Variants in FREM2 observed in about 807,000 individuals in gnomAD.
FREM2 encodes the protein FRAS1 related extracellular matrix 2, also known as FRAS1-related extracellular matrix protein 2.
Under a neutral mutation model 219.9 loss-of-function variants are expected in FREM2, and 119 were observed. The ratio of observed to expected loss-of-function variants is 0.54; its 90% CI spans 0.47 to 0.63. FREM2 has a LOEUF of 0.63. FREM2 is among the 30% of genes least tolerant of loss of function. FREM2 has a pLI of 0.00. For synonymous variants in FREM2, 1,562 were observed against 1,522.8 expected (o/e 1.03, Z -0.60); for missense variants, 4,030 against 3,993.6 (o/e 1.01, Z -0.25).
intron 2 of FREM2, among the ~76,000 whole-genome samples, chr13:38,702,748 G>C (rs1870391270): frequency 6.6e-6 from 1 of 152,108 alleles, no homozygotes; most frequent in Non-Finnish European, 1.5e-5. Flanking sequence ...CCAGCTTGCT[G>C]CTTCCTTATT....
At chr13:38,843,876 AG>A (rs1877051614) in intron 6 of FREM2, among the ~76,000 whole-genome samples, 2 of 150,896 alleles carry the variant, frequency 1.3e-5, no homozygotes, top group South Asian at 4.2e-4. Context: ...ACAAGAAACT[AG>A]GTAGTTAGCA....
At chr13:38,713,579 C>G (rs902635751) in intron 2 of FREM2, among the ~76,000 whole-genome samples, 2 of 152,220 alleles carry the variant, frequency 1.3e-5, no homozygotes, top group Non-Finnish European at 2.9e-5. Context: ...ATGGCCTTAA[C>G]TGATCGCTCC....
At position 38,877,145 on chromosome 13, in the gene FREM2, G is replaced by A. The variant is rs932537059; in HGVS notation, c.8573G>A (p.Ser2858Asn). The A allele has an allele frequency of 6.2e-7, 1 of 1,614,098 alleles. No individual in the cohort carries two copies. Among genetic ancestry groups the A allele is most frequent in the Non-Finnish European group, 8.5e-7 (1 of 1,179,968 alleles). Residue 2858 changes from serine to asparagine, a missense_variant, in exon 21 of 24, where the codon AGC becomes AAC. Ser to Asn is a conservative substitution (Grantham distance 46). This residue lies in a region of FREM2 where 928 missense variants were observed against 1,042.9 expected (regional missense o/e 0.89). Coordinates refer to ENST00000280481, the MANE Select transcript of FREM2 (RefSeq NM_207361.6). ...AGTGATCCAGTGGCTGCTGAGTTTA[G>A]CTTGAACACCCAAATGTACCTGCTC... Reference protein sequence around the residue: ...QVSDPVAAEFSLNTQMYLLSK... With the variant: ...QVSDPVAAEFNLNTQMYLLSK...
chr13:38,850,294 A>G, intron 9 of FREM2, 59 bp downstream of exon 9: 1 of 1,345,272 alleles, frequency 7.4e-7, no homozygotes, highest in Non-Finnish European at 1.1e-6. Flanking sequence ...TTTACTCAGA[A>G]ATATATATCA....
Position 38,729,783 on chromosome 13 carries a change from G to T in FREM2, c.5263+31996G>T, listed in dbSNP as rs529434177. Among the ~76,000 whole-genome samples the T allele has an allele frequency of 2.6e-5, 4 of 152,272 alleles. No individual in the cohort carries two copies. In the East Asian group the frequency reaches 7.7e-4, roughly 29 times the overall value. ...TAGTAAATATGTCCTTTTCTAAGGT[G>T]CATAATTAGAGTATTTAAACTTGTA... On this transcript the variant is annotated intron_variant, in intron 2 of 23. Transcript: ENST00000280481.
intron 2 of FREM2, among the ~76,000 whole-genome samples, chr13:38,714,026 T>C: frequency 6.6e-6 from 1 of 152,192 alleles, no homozygotes. Context: ...GAAACCAGGA[T>C]CTGTGGTACT....
chr13:38,757,845 C>T (rs1307265869), intron 2 of FREM2, among the ~76,000 whole-genome samples: 1 of 152,204 alleles, frequency 6.6e-6, no homozygotes, highest in Admixed American at 6.5e-5. Context: ...TCCTAGGCCT[C>T]CCAAAGTGCT....
intron 2 of FREM2, among the ~76,000 whole-genome samples, 179 bp from the exon 3 acceptor site, chr13:38,764,125 G>A (rs909344394): frequency 6.6e-6 from 1 of 152,174 alleles, no homozygotes; most frequent in East Asian, 1.9e-4. Context: ...GCGATTGAAT[G>A]TATGTGTAAC....
intron 2 of FREM2, among the ~76,000 whole-genome samples, chr13:38,706,136 C>T (rs944359600): frequency 1.3e-5 from 2 of 152,142 alleles, no homozygotes; most frequent in Admixed American, 6.5e-5. Flanking sequence ...TTTATTTCTC[C>T]TTTTTAAGGG....
rs1877691695 is a variant in FREM2, at chr13:38,859,604, A to G, written c.7519+14A>G. 1 of 1,611,660 alleles carries G rather than the reference A, an allele frequency of 6.2e-7. No homozygotes were observed. Among genetic ancestry groups the G allele is most frequent in the East Asian group, 2.2e-5 (1 of 44,840 alleles). On this transcript the variant is annotated intron_variant, in intron 14 of 23. Coordinates refer to ENST00000280481, the MANE Select transcript of FREM2 (RefSeq NM_207361.6). ...GCAGAGAAGAAGGTCAGTCATTGCC[A>G]TTTTCCCCTGAAGATCACTGGAATA...
chr13:38,870,139 A>G lies in FREM2; in HGVS notation c.7984-2603A>G, dbSNP rs1326828345. Among the ~76,000 whole-genome samples the G allele has an allele frequency of 5.9e-5, 9 of 152,260 alleles. No individual in the cohort carries two copies. The East Asian group carries it at 1.7e-3, about 29-fold the overall frequency. ...TAATTATGCCTCTTTTTTACTATGTATTTGATTTAGATATATGAAACTTTG... is the reference window on the plus strand; with the variant it reads ...TAATTATGCCTCTTTTTTACTATGTGTTTGATTTAGATATATGAAACTTTG... On this transcript the variant is annotated intron_variant, in intron 16 of 23. Coordinates refer to ENST00000280481, the MANE Select transcript of FREM2 (RefSeq NM_207361.6).
At chr13:38,724,521 A>T (rs556121273) in intron 2 of FREM2, among the ~76,000 whole-genome samples, 52 of 152,346 alleles carry the variant, frequency 3.4e-4, no homozygotes, top group Non-Finnish European at 5.4e-4. Flanking sequence ...AGCAATTTTT[A>T]TGTAAAATAC....
At chr13:38,787,869 A>G (rs1420976435) in intron 6 of FREM2, among the ~76,000 whole-genome samples, 2 of 152,018 alleles carry the variant, frequency 1.3e-5, no homozygotes, top group African/African-American at 4.8e-5. Context: ...AAGGAAAAGA[A>G]GAAAGAAAAG....
chr13:38,871,473 G>C (rs1878156930), intron 16 of FREM2, among the ~76,000 whole-genome samples: 1 of 152,046 alleles, frequency 6.6e-6, no homozygotes, highest in Non-Finnish European at 1.5e-5. Context: ...ATTGTGCAGA[G>C]CTATTTTGAG....
At chr13:38,718,334 G>A (rs1871092249) in intron 2 of FREM2, among the ~76,000 whole-genome samples, 1 of 152,118 alleles carries the variant, frequency 6.6e-6, no homozygotes, top group Non-Finnish European at 1.5e-5. Flanking sequence ...CCTACTCCAG[G>A]GGTGAAAAGG....
At chr13:38,749,469 T>C (rs1872631417) in intron 2 of FREM2, among the ~76,000 whole-genome samples, 1 of 152,228 alleles carries the variant, frequency 6.6e-6, no homozygotes, top group African/African-American at 2.4e-5. Context: ...TCAGATCATA[T>C]GTTCATGTTA....
In FREM2 at chr13:38,687,878, G is replaced by A; in HGVS notation, c.534G>A (p.Gln178=). 1 of 1,576,788 alleles carries A rather than the reference G, an allele frequency of 6.3e-7. No individual in the cohort carries two copies. The highest frequency in any genetic ancestry group is 8.6e-7 in the Non-Finnish European group (1 of 1,158,130). ...TGGAGGTGGAGGTGGTCTTCACCCA[G>A]CTGGAGGTTGTGACTCGGAACTTGC... ...LVLEVEVVFT[Q]LEVVTRNLPL... is the part of the protein sequence containing the mutation. Residue 178 remains glutamine, a synonymous_variant, in exon 1 of 24, where the codon CAG becomes CAA. Coordinates refer to ENST00000280481, the MANE Select transcript of FREM2 (RefSeq NM_207361.6).
At chr13:38,798,273 T>C (rs922958504) in intron 6 of FREM2, among the ~76,000 whole-genome samples, 2 of 152,134 alleles carry the variant, frequency 1.3e-5, no homozygotes, top group African/African-American at 4.8e-5. Flanking sequence ...TGATGTATCA[T>C]GATTATTAAT....
At chr13:38,761,429 T>C (rs1873219419) in intron 2 of FREM2, among the ~76,000 whole-genome samples, 1 of 152,230 alleles carries the variant, frequency 6.6e-6, no homozygotes, top group Admixed American at 6.5e-5. Flanking sequence ...TTGCATGTTA[T>C]TCTATCTTTT....
Sources: allele counts gnomAD v4.1 joint callset (sites outside exome capture counted in the v4.1 genomes callset), GRCh38; gene constraint gnomAD v4.1.1; regional missense constraint gnomAD v4.1.1; transcripts MANE v1.5; gene names NCBI Gene and HGNC (gene_info 2026-07-23, HGNC 2026-07-21).